SMIM36: variants seen among roughly 807,000 people sequenced by gnomAD.
SMIM36 encodes small integral membrane protein 36.
intron 1 of SMIM36, among the ~76,000 whole-genome samples, chr17:55,500,173 G>A (rs1351883924): frequency 6.6e-6 from 1 of 151,896 alleles, no homozygotes; most frequent in Non-Finnish European, 1.5e-5. Context: ...CAGGCTGGAG[G>A]GTAGAGAGTA....
chr17:55,500,931 T>A (rs868209962), intron 1 of SMIM36, among the ~76,000 whole-genome samples: 1 of 22,014 alleles, frequency 4.5e-5, no homozygotes, highest in African/African-American at 2.3e-4. Context: ...TATATTATAT[T>A]TTATAATATA....
At chr17:55,470,186 C>T (rs1387178353) in intron 3 of SMIM36, among the ~76,000 whole-genome samples, 1 of 152,106 alleles carries the variant, frequency 6.6e-6, no homozygotes, top group East Asian at 1.9e-4. Flanking sequence ...TCCATCTTGC[C>T]CAGCAGCCAC....
chr17:55,508,921 C>G (rs1910131845), intron 1 of SMIM36, among the ~76,000 whole-genome samples: 1 of 98,234 alleles, frequency 1.0e-5, no homozygotes, highest in Non-Finnish European at 1.9e-5. Flanking sequence ...AAGGCTCTGT[C>G]TCAGAACAAA....
At chr17:55,463,354 A>T (rs1184649910) in intron 4 of SMIM36, among the ~76,000 whole-genome samples, 2 of 151,742 alleles carry the variant, frequency 1.3e-5, no homozygotes, top group African/African-American at 4.8e-5. Context: ...AGGAATTCAA[A>T]GCCAGCCTGG....
At chr17:55,486,037 A>C (rs1292090444) in intron 1 of SMIM36, among the ~76,000 whole-genome samples, 3 of 113,200 alleles carry the variant, frequency 2.7e-5, no homozygotes, top group Non-Finnish European at 5.3e-5. Context: ...TTTTTCCTTT[A>C]TTCTTTTTTT....
chr17:55,530,345 T>C, the SMIM36 span, among the ~76,000 whole-genome samples: 2 of 152,210 alleles, frequency 1.3e-5, no homozygotes, highest in Non-Finnish European at 2.9e-5. Flanking sequence ...TTCACCTTCC[T>C]CTCTGCCATT....
chr17:55,486,515 C>T (rs562260909), intron 1 of SMIM36, among the ~76,000 whole-genome samples: 7 of 152,240 alleles, frequency 4.6e-5, no homozygotes, highest in South Asian at 2.1e-4. Flanking sequence ...AACTGGCTGA[C>T]GATGAATGAA....
chr17:55,522,884 G>A, the SMIM36 span, among the ~76,000 whole-genome samples: 11 of 152,198 alleles, frequency 7.2e-5, no homozygotes, highest in South Asian at 2.1e-4. Flanking sequence ...CCCTGTACAC[G>A]GGCCCAGAGC....
At chr17:55,502,100 G>C (rs1210344093) in intron 1 of SMIM36, among the ~76,000 whole-genome samples, 3 of 151,594 alleles carry the variant, frequency 2.0e-5, no homozygotes, top group African/African-American at 4.8e-5. Context: ...CTGATTGCTA[G>C]CACAGCAGTC....
chr17:55,454,135 T>C (rs1298898996), intron 4 of SMIM36: 1 of 152,222 alleles, frequency 6.6e-6, no homozygotes, highest in African/African-American at 2.4e-5. Flanking sequence ...CCTAGGAAGT[T>C]GGTTTTAAGT....
At chr17:55,502,260 C>T (rs1253947292) in intron 1 of SMIM36, among the ~76,000 whole-genome samples, 1 of 148,524 alleles carries the variant, frequency 6.7e-6, no homozygotes, top group African/African-American at 2.5e-5. Flanking sequence ...TAGGCTCCAC[C>T]TCTGGGGGCA....
At chr17:55,517,473 G>T in the SMIM36 span, among the ~76,000 whole-genome samples, 1 of 152,230 alleles carries the variant, frequency 6.6e-6, no homozygotes, top group African/African-American at 2.4e-5. Context: ...TGAGGCAGGA[G>T]AATCGCTGGA....
intron 1 of SMIM36, among the ~76,000 whole-genome samples, chr17:55,508,712 C>T (rs1052004000): frequency 6.6e-6 from 1 of 151,564 alleles, no homozygotes; most frequent in African/African-American, 2.4e-5. Context: ...CACCTGAGGT[C>T]GGGAGTTCGA....
intron 3 of SMIM36, among the ~76,000 whole-genome samples, chr17:55,468,700 T>G (rs775111192): frequency 6.6e-6 from 1 of 152,144 alleles, no homozygotes; most frequent in Non-Finnish European, 1.5e-5. Flanking sequence ...ACCTTTCTCT[T>G]TAAACTTACC....
chr17:55,456,667 G>A (rs367790311), intron 4 of SMIM36, among the ~76,000 whole-genome samples: 9 of 152,176 alleles, frequency 5.9e-5, no homozygotes, highest in African/African-American at 2.2e-4. Context: ...TTAAGAACTT[G>A]GCTGTTTAAG....
intron 1 of SMIM36, among the ~76,000 whole-genome samples, chr17:55,509,784 A>G (rs1417048128): frequency 6.6e-6 from 1 of 152,200 alleles, no homozygotes; most frequent in Non-Finnish European, 1.5e-5. Context: ...TGGAGATAAT[A>G]ATTCAAAAAT....
intron 1 of SMIM36, among the ~76,000 whole-genome samples, chr17:55,493,583 G>T (rs1336900656): frequency 3.9e-5 from 6 of 152,116 alleles, no homozygotes; most frequent in African/African-American, 1.2e-4. Context: ...GCCAAGGCAG[G>T]AAGATTGCTT....
At chr17:55,451,613 C>T (rs1908919031) in intron 4 of SMIM36, among the ~76,000 whole-genome samples, 1 of 152,144 alleles carries the variant, frequency 6.6e-6, no homozygotes, top group East Asian at 1.9e-4. Context: ...GAAAGATACA[C>T]CCTCTTTGTA....
At chr17:55,529,746 G>A in the SMIM36 span, among the ~76,000 whole-genome samples, 1 of 152,070 alleles carries the variant, frequency 6.6e-6, no homozygotes, top group South Asian at 2.1e-4. Context: ...AGCTGCAATG[G>A]CACCACTGCA....
Sources: allele counts gnomAD v4.1 joint callset (sites outside exome capture counted in the v4.1 genomes callset), GRCh38; gene constraint gnomAD v4.1.1; transcripts MANE v1.5; gene names NCBI Gene and HGNC (gene_info 2026-07-23, HGNC 2026-07-21).